ZNF274: variants seen among roughly 807,000 people sequenced by gnomAD.
The protein encoded by ZNF274 is zinc finger protein 274, also known as neurotrophin receptor-interacting factor homolog.
In ZNF274, 23 loss-of-function variants were observed where a neutral mutation model predicts 42.5. That is an observed-to-expected ratio of 0.54 (90% CI 0.39 to 0.77). The LOEUF (loss-of-function observed/expected upper bound fraction) is 0.77. Among genes scored for constraint, ZNF274 ranks in the 30% least tolerant of loss-of-function variants. ZNF274 has a pLI of 0.00. For synonymous variants in ZNF274, 292 were observed against 305.4 expected, an observed-to-expected ratio of 0.96 and a Z score of 0.46; for missense variants, 679 against 806.5, an observed-to-expected ratio of 0.84 and a Z score of 1.91.
intron 4 of ZNF274, among the ~76,000 whole-genome samples, chr19:58,198,507 A>G (rs188917882): frequency 3.0e-4 from 45 of 152,354 alleles, no homozygotes; most frequent in Admixed American, 1.3e-3. Flanking sequence ...AACAAAATAC[A>G]TAGTCAAGTG....
chr19:58,198,766 G>T (rs1036003739), intron 4 of ZNF274, among the ~76,000 whole-genome samples: 1 of 149,762 alleles, frequency 6.7e-6, no homozygotes, highest in African/African-American at 2.5e-5. Flanking sequence ...GTGTAGAGTT[G>T]CCAAAATTAG....
intron 4 of ZNF274, among the ~76,000 whole-genome samples, chr19:58,200,753 G>A (rs562717621): frequency 2.0e-5 from 3 of 152,110 alleles, no homozygotes; most frequent in South Asian, 2.1e-4. Context: ...TTTGGAACCC[G>A]GCTCCTTTGT....
At chr19:58,191,519 T>C (rs1193688662) in intron 4 of ZNF274, among the ~76,000 whole-genome samples, 1 of 152,242 alleles carries the variant, frequency 6.6e-6, no homozygotes, top group Non-Finnish European at 1.5e-5. Context: ...TTCTTGGAGC[T>C]GAGGACTCAT....
At position 58,195,762 on chromosome 19, in the gene ZNF274, A is replaced by AT. The variant is rs575948154; in HGVS notation, c.256+8721dup. 1.8e-4 allele frequency among the ~76,000 whole-genome samples: 27 copies of AT among 152,298 alleles called. No homozygotes were observed. The East Asian group carries it at 5.0e-3, about 28-fold the overall frequency. ...TTGAGATGAAACTGTTCCACCCCAG[A>AT]TCATGAGGCATTAGATTCTCATAAG... On this transcript the variant is annotated intron_variant, in intron 4 of 7. Transcript: ENST00000617501.
chr19:58,185,107 G>C (rs375250763), intron 2 of ZNF274, among the ~76,000 whole-genome samples: 158 of 146,968 alleles, frequency 1.1e-3, no homozygotes, highest in African/African-American at 3.9e-3. Flanking sequence ...GCGACAGAGA[G>C]AGACTCCGTC....
In ZNF274 at chr19:58,212,747, T is replaced by C. The variant is rs951554437; in HGVS notation, c.1566T>C (p.Phe522=). The change falls in exon 8 of 8, where the codon TTT becomes TTC. Residue 522 remains phenylalanine, a synonymous_variant. Transcript: ENST00000617501. This position sits in a 1 kb window ranked among gnomAD's most constrained non-coding sequence, Gnocchi z 4.6. ...CGKIFRNPRY[F]SVHKKIHTGE... ...AAATATTCCGGAACCCAAGATACTT[T>C]TCTGTGCATAAGAAAATCCATACCG... The C allele has an allele frequency of 1.9e-6, 3 of 1,613,890 alleles. No homozygotes were observed. The African/African-American group carries it at 4.0e-5, about 22-fold the overall frequency.
chr19:58,198,539 G>A (rs1293592586), intron 4 of ZNF274, among the ~76,000 whole-genome samples: 2 of 152,172 alleles, frequency 1.3e-5, no homozygotes, highest in Admixed American at 6.5e-5. Flanking sequence ...ACATGGTTGT[G>A]TGTCAGTTGA....
At chr19:58,189,603 T>C (rs1225834641) in intron 4 of ZNF274, among the ~76,000 whole-genome samples, 1 of 152,120 alleles carries the variant, frequency 6.6e-6, no homozygotes, top group Non-Finnish European at 1.5e-5. Flanking sequence ...ATATAGTAGT[T>C]CCCCTTGTCA....
chr19:58,184,437 T>C, intron 2 of ZNF274: 2 of 158,094 alleles, frequency 1.3e-5, no homozygotes, highest in Non-Finnish European at 2.8e-5. Context: ...ACTACAGGCG[T>C]GTGCCACCAT....
chr19:58,197,593 C>G (rs1197300039), intron 4 of ZNF274, among the ~76,000 whole-genome samples: 1 of 152,098 alleles, frequency 6.6e-6, no homozygotes, highest in African/African-American at 2.4e-5. Context: ...ACTAGGAACT[C>G]AGTACATAAC....
In ZNF274 at chr19:58,213,230, T is replaced by C; in HGVS notation, c.*87T>C. ...GGCCTGCTTGTGAATCAGGACTGAA[T>C]GTGAAAGGGAAGTATTGAGTGAGGA... On this transcript the variant is annotated 3_prime_UTR_variant, in exon 8 of 8. Transcript: ENST00000617501. 1.3e-6 allele frequency: 2 copies of C among 1,492,312 alleles called. No individual in the cohort carries two copies. The highest frequency in any genetic ancestry group is 8.9e-7 in the Non-Finnish European group (1 of 1,122,456). 92.4% of individuals were successfully genotyped at this position (1,492,312 alleles called of 1,614,324 possible).
intron 4 of ZNF274, among the ~76,000 whole-genome samples, 176 bp from the exon 5 acceptor site, chr19:58,206,544 C>T (rs1448442965): frequency 6.6e-6 from 1 of 152,208 alleles, no homozygotes; most frequent in African/African-American, 2.4e-5. Flanking sequence ...AGTGTGTGAG[C>T]ATTCTAGTTT....
At chr19:58,185,916 G>C (rs2075692410) in intron 3 of ZNF274, 78 bp downstream of exon 3, 3 of 1,280,512 alleles carry the variant, frequency 2.3e-6, no homozygotes, top group South Asian at 3.1e-5. Context: ...GTGTCTGCTT[G>C]GGCTCACACT....
At chr19:58,198,150 G>C (rs1296946589) in intron 4 of ZNF274, among the ~76,000 whole-genome samples, 2 of 152,146 alleles carry the variant, frequency 1.3e-5, no homozygotes, top group African/African-American at 4.8e-5. Context: ...GTCAGAAATA[G>C]AGAAGAAAAA....
In ZNF274 at chr19:58,187,058, G is replaced by C. The variant is rs1413783261; in HGVS notation, c.256+16G>C. On this transcript the variant is annotated intron_variant, in intron 4 of 7. Coordinates refer to ENST00000617501, the MANE Select transcript of ZNF274 (RefSeq NM_133502.3). The stretch of plus-strand genomic sequence containing the variant: ...ACCATTCCAGGTGAGAACCAGACAT[G>C]GGAAGCCCCCACAGGGAAGGGGCCA... 1 of 1,604,096 alleles carries C rather than the reference G, an allele frequency of 6.2e-7. No individual in the cohort carries two copies. Among genetic ancestry groups the C allele is most frequent in the Non-Finnish European group, 8.5e-7 (1 of 1,174,596 alleles).
At chr19:58,188,688 G>GTATA (rs1568697739) in intron 4 of ZNF274, among the ~76,000 whole-genome samples, 4 of 52,976 alleles carry the variant, frequency 7.6e-5, no homozygotes, top group African/African-American at 2.4e-4. Context: ...ATATATATAT[G>GTATA]TATATGTATA....
At chr19:58,202,892 A>G (rs1568707303) in intron 4 of ZNF274, among the ~76,000 whole-genome samples, 1 of 152,036 alleles carries the variant, frequency 6.6e-6, no homozygotes, top group Non-Finnish European at 1.5e-5. Context: ...ACAGCATGCA[A>G]AAGGTGCTTT....
chr19:58,212,862 A>T lies in ZNF274; in HGVS notation c.1681A>T (p.Arg561Ter), dbSNP rs372021517. 1.2e-6 allele frequency: 2 copies of T among 1,613,928 alleles called. No homozygotes were observed. The highest frequency in any genetic ancestry group is 1.7e-6 in the Non-Finnish European group (2 of 1,179,912). Residue 561 changes from arginine to a stop codon, truncating the protein, a stop_gained, in exon 8 of 8, where the codon AGA becomes TGA. Transcript: ENST00000617501. LOFTEE classifies it high-confidence loss of function. This position sits in a 1 kb window ranked among gnomAD's most constrained non-coding sequence, Gnocchi z 4.6. ...GCATCAGAGAGTTCATTCTGGAGAG[A>T]GACCATTTGAATGTCAGGAGTGTGG... ...TQHQRVHSGERPFECQECGRT... is the reference protein window; with the variant it reads ...TQHQRVHSGE
Position 58,212,420 on chromosome 19 carries a change from CACAA to C in ZNF274, c.1242_1245del (p.Asn415LysfsTer45). 6.2e-7 allele frequency: 1 copy of C among 1,612,862 alleles called. No individual in the cohort carries two copies. Among genetic ancestry groups the C allele is most frequent in the Non-Finnish European group, 8.5e-7 (1 of 1,179,336 alleles). On this transcript the variant is annotated frameshift_variant, in exon 8 of 8. Transcript: ENST00000617501. LOFTEE classifies it low-confidence loss of function (END_TRUNC). This position sits in a 1 kb window ranked among gnomAD's most constrained non-coding sequence, Gnocchi z 4.6. ...CCCAGGCAAACAGTGGTGCTCTTGA[CACAA>C]ACCAAGTTTCGCTCCAGAAAATTGA... is the stretch of plus-strand genomic sequence containing the variant.
Sources: allele counts gnomAD v4.1 joint callset (sites outside exome capture counted in the v4.1 genomes callset), GRCh38; gene constraint gnomAD v4.1.1; non-coding constraint Gnocchi (gnomAD v3.1); transcripts MANE v1.5; gene names NCBI Gene and HGNC (gene_info 2026-07-23, HGNC 2026-07-21).